UBE3C: variants seen among roughly 807,000 people sequenced by gnomAD.
UBE3C encodes the protein ubiquitin-protein ligase E3C.
A neutral mutation model predicts 129.4 loss-of-function variants in UBE3C; 42 were observed. That is an observed-to-expected ratio of 0.32 (90% CI 0.25 to 0.42). UBE3C has a LOEUF of 0.42. Among genes scored for constraint, UBE3C ranks in the 10% least tolerant of loss-of-function variants. The pLI is 1.00. For missense variants in UBE3C, 1,049 were observed against 1,319.1 expected, an observed-to-expected ratio of 0.80 and a Z score of 3.17; for synonymous variants, 510 against 492.4, an observed-to-expected ratio of 1.04 and a Z score of -0.47.
At chr7:157,230,784 C>T (rs1328212202) in intron 17 of UBE3C, among the ~76,000 whole-genome samples, 1 of 151,528 alleles carries the variant, frequency 6.6e-6, no homozygotes, top group African/African-American at 2.4e-5. Flanking sequence ...GCCACATCGG[C>T]CTGTGGGCTG....
rs1796014402 is a variant in UBE3C, at chr7:157,231,212, A to G, written c.2366A>G (p.Gln789Arg). ...CTGAAGTCAGGATTTAACCCCAACC[A>G]GGGGTTCTTTAAGACTACTAATGAA... ...ELLKSGFNPN[Q>R]GFFKTTNEGL... Residue 789 changes from glutamine to arginine, a missense_variant, in exon 18 of 23, where the codon CAG (glutamine) becomes CGG (arginine). Around this residue, in one of 4 missense-constraint regions of UBE3C, gnomAD observed 243 missense variants for 368.7 expected, o/e 0.66. Coordinates refer to ENST00000348165, the MANE Select transcript of UBE3C (RefSeq NM_014671.3). 3 of 1,614,072 alleles carry G rather than the reference A, an allele frequency of 1.9e-6. No individual in the cohort carries two copies. The highest frequency in any genetic ancestry group is 1.3e-5 in the African/African-American group (1 of 74,918).
At chr7:157,232,977 A>G (rs1796061114) in intron 18 of UBE3C, among the ~76,000 whole-genome samples, 1 of 152,212 alleles carries the variant, frequency 6.6e-6, no homozygotes, top group East Asian at 1.9e-4. Context: ...TTATGTGACC[A>G]TCACCAATAT....
intron 4 of UBE3C, among the ~76,000 whole-genome samples, chr7:157,170,820 C>G (rs1808347663): frequency 6.6e-6 from 1 of 152,116 alleles, no homozygotes; most frequent in Non-Finnish European, 1.5e-5. Context: ...CTTGCAAACT[C>G]TAAAATACAA....
chr7:157,263,806 T>C (rs943172504), intron 22 of UBE3C, among the ~76,000 whole-genome samples: 5 of 151,594 alleles, frequency 3.3e-5, no homozygotes, highest in African/African-American at 1.2e-4. Context: ...TTATAGAAAA[T>C]TGGAAATTGT....
chr7:157,261,310 A>AGG (rs1563079225), intron 22 of UBE3C, among the ~76,000 whole-genome samples: 5 of 58,294 alleles, frequency 8.6e-5, no homozygotes, highest in Non-Finnish European at 1.4e-4. Context: ...CTGTCTGAAA[A>AGG]AAAAAAAAAA....
intron 2 of UBE3C, among the ~76,000 whole-genome samples, chr7:157,168,114 G>A (rs1808266903): frequency 6.6e-6 from 1 of 151,948 alleles, no homozygotes; most frequent in Admixed American, 6.6e-5. Context: ...CATTTTGGGA[G>A]GCCAGGGCTG....
intron 16 of UBE3C, among the ~76,000 whole-genome samples, chr7:157,224,979 T>C (rs1297347858): frequency 1.6e-4 from 24 of 152,218 alleles, no homozygotes; most frequent in Non-Finnish European, 2.9e-5. Flanking sequence ...AAAGGATTTA[T>C]AAATGAAAAT....
chr7:157,139,699 C>T (rs926549061), intron 1 of UBE3C, among the ~76,000 whole-genome samples: 1 of 152,260 alleles, frequency 6.6e-6, no homozygotes, highest in African/African-American at 2.4e-5. Context: ...CCGGTGAACC[C>T]TGGCACGCTT....
At chr7:157,143,603 C>T (rs1807519475) in intron 1 of UBE3C, among the ~76,000 whole-genome samples, 1 of 152,138 alleles carries the variant, frequency 6.6e-6, no homozygotes, top group Non-Finnish European at 1.5e-5. Context: ...AGAGGAAAGT[C>T]TGATTGGCCT....
chr7:157,160,685 C>T (rs1263777151), intron 1 of UBE3C, among the ~76,000 whole-genome samples: 1 of 152,100 alleles, frequency 6.6e-6, no homozygotes, highest in East Asian at 1.9e-4. Flanking sequence ...TGATCTATAT[C>T]TTGAGAGATA....
intron 1 of UBE3C, among the ~76,000 whole-genome samples, chr7:157,149,633 G>A (rs1207957571): frequency 6.6e-6 from 1 of 152,136 alleles, no homozygotes; most frequent in African/African-American, 2.4e-5. Context: ...TTAACCACTT[G>A]AATGTGTGCT....
rs112765769 is a variant in UBE3C at position 157,178,762 on chromosome 7, T to C, written c.531T>C (p.Ser177=). ...LPMRMLEVFS[S]ENTYLPVLQD... ...TGAGAATGCTTGAAGTATTTTCGTC[T>C]GAGAATACTTACTTGCCTGTTTTAC... Residue 177 remains serine, a synonymous_variant, in exon 6 of 23, where the codon TCT becomes TCC. Transcript: ENST00000348165. 1.9e-6 allele frequency: 3 copies of C among 1,614,200 alleles called. No individual in the cohort carries two copies. The highest frequency in any genetic ancestry group is 1.7e-4 in the Middle Eastern group (1 of 6,060).
chr7:157,143,048 G>T (rs954351669), intron 1 of UBE3C, among the ~76,000 whole-genome samples: 2 of 151,914 alleles, frequency 1.3e-5, no homozygotes, highest in African/African-American at 4.8e-5. Flanking sequence ...TGTATTTTTA[G>T]TAGAGATGGG....
At chr7:157,178,663 G>T in intron 5 of UBE3C, 27 bp from the exon 6 acceptor site, 1 of 1,606,024 alleles carries the variant, frequency 6.2e-7, no homozygotes, top group South Asian at 1.1e-5. Context: ...TCCTGTAAGT[G>T]TGTGAATACT....
At chr7:157,139,544 T>C (rs1414101359) in intron 1 of UBE3C, among the ~76,000 whole-genome samples, 2 of 151,846 alleles carry the variant, frequency 1.3e-5, no homozygotes, top group South Asian at 2.1e-4. Flanking sequence ...GAGCCGAGAC[T>C]TGGGGCCAGG....
At chr7:157,184,666 T>C (rs1267564597) in intron 9 of UBE3C, among the ~76,000 whole-genome samples, 1 of 152,202 alleles carries the variant, frequency 6.6e-6, no homozygotes, top group African/African-American at 2.4e-5. Context: ...TACTACTAAG[T>C]GTAATCACAG....
At position 157,197,594 on chromosome 7, in the gene UBE3C, A is replaced by G. The variant is rs1339780271; in HGVS notation, c.1332-4127A>G. The G allele has an allele frequency of 2.5e-6, 4 of 1,591,702 alleles. No individual in the cohort carries two copies. In the East Asian group the frequency reaches 6.7e-5, roughly 27 times the overall value. ...CCCACATGGTACTGCATGGATAGGAACAATATTATTTTAGTTGATGGAGTA... is the reference window on the plus strand; with the variant it reads ...CCCACATGGTACTGCATGGATAGGAGCAATATTATTTTAGTTGATGGAGTA... On this transcript the variant is annotated intron_variant, in intron 10 of 22. Transcript: ENST00000348165.
At chr7:157,223,038 A>C (rs1358327411) in intron 15 of UBE3C, 4 of 485,600 alleles carry the variant, frequency 8.2e-6, no homozygotes, top group African/African-American at 7.9e-5. Flanking sequence ...GGACATCTTT[A>C]ATATTCGATC....
At chr7:157,157,058 G>A (rs1188011131) in intron 1 of UBE3C, among the ~76,000 whole-genome samples, 1 of 152,110 alleles carries the variant, frequency 6.6e-6, no homozygotes, top group Non-Finnish European at 1.5e-5. Flanking sequence ...AAAAATAAAG[G>A]TGTAGGCATG....
Sources: allele counts gnomAD v4.1 joint callset (sites outside exome capture counted in the v4.1 genomes callset), GRCh38; gene constraint gnomAD v4.1.1; regional missense constraint gnomAD v4.1.1; transcripts MANE v1.5; gene names NCBI Gene and HGNC (gene_info 2026-07-23, HGNC 2026-07-21).